DTNA: variants seen among roughly 807,000 people sequenced by gnomAD.
DTNA encodes the protein dystrobrevin alpha.
A neutral mutation model predicts 100.7 loss-of-function variants in DTNA; 43 were observed. The ratio of observed to expected loss-of-function variants is 0.43; its 90% CI spans 0.33 to 0.55. DTNA has a LOEUF of 0.55. Ranked by LOEUF, DTNA falls within the 20% of genes least tolerant of loss-of-function variation. The pLI, the probability that DTNA is intolerant of heterozygous loss-of-function variation, is 0.04. For synonymous variants in DTNA, 349 were observed against 347.9 expected, an observed-to-expected ratio of 1.00 and a Z score of -0.04; for missense variants, 798 against 953.9, an observed-to-expected ratio of 0.84 and a Z score of 2.15.
intron 1 of DTNA, among the ~76,000 whole-genome samples, chr18:34,623,357 G>A (rs192153300): frequency 1.3e-5 from 2 of 152,330 alleles, no homozygotes; most frequent in African/African-American, 4.8e-5. Flanking sequence ...CATTCATACT[G>A]TAGATTTTTG....
intron 13 of DTNA, among the ~76,000 whole-genome samples, chr18:34,843,414 G>A (rs2096310177): frequency 1.3e-5 from 2 of 151,974 alleles, no homozygotes. Context: ...TGCTAAGAAT[G>A]CCAAAGCAAA....
chr18:34,673,163 T>C (rs1267269548), intron 1 of DTNA, among the ~76,000 whole-genome samples: 1 of 152,190 alleles, frequency 6.6e-6, no homozygotes, highest in East Asian at 1.9e-4. Context: ...CTTGGCTCAC[T>C]GTAACCTCCG....
chr18:34,497,957 A>C (rs944439142), intron 1 of DTNA, among the ~76,000 whole-genome samples: 5 of 152,206 alleles, frequency 3.3e-5, no homozygotes, highest in Non-Finnish European at 7.3e-5. Context: ...TATCTTTAAC[A>C]GCTAAAGGTT....
At chr18:34,501,746 A>C (rs1384007382) in intron 1 of DTNA, among the ~76,000 whole-genome samples, 1 of 152,166 alleles carries the variant, frequency 6.6e-6, no homozygotes, top group Non-Finnish European at 1.5e-5. Context: ...TACAAGTCCA[A>C]GGTCATGGAG....
At chr18:34,686,161 A>T (rs1600187039) in intron 1 of DTNA, among the ~76,000 whole-genome samples, 2 of 152,214 alleles carry the variant, frequency 1.3e-5, no homozygotes, top group East Asian at 3.9e-4. Context: ...CCTGGCCAGG[A>T]CTTCCAATAC....
chr18:34,601,456 G>T (rs2051808419), intron 1 of DTNA, among the ~76,000 whole-genome samples: 1 of 152,088 alleles, frequency 6.6e-6, no homozygotes, highest in Admixed American at 6.5e-5. Flanking sequence ...CAGTGTCTGA[G>T]CCCAGCGTCT....
intron 1 of DTNA, among the ~76,000 whole-genome samples, chr18:34,623,016 A>G (rs537305691): frequency 6.6e-6 from 1 of 152,348 alleles, no homozygotes; most frequent in East Asian, 1.9e-4. Flanking sequence ...CAGATGGGTA[A>G]CATCAGACTC....
chr18:34,529,481 C>G (rs929841916), intron 1 of DTNA, among the ~76,000 whole-genome samples: 1 of 151,972 alleles, frequency 6.6e-6, no homozygotes, highest in Non-Finnish European at 1.5e-5. Context: ...AAAGATTTGC[C>G]TCAAGATTTC....
intron 1 of DTNA, among the ~76,000 whole-genome samples, chr18:34,730,032 A>C (rs1196671110): frequency 2.0e-5 from 3 of 152,130 alleles, no homozygotes; most frequent in Admixed American, 1.3e-4. Flanking sequence ...CCAAGGAATA[A>C]TTCCAAAAAT....
chr18:34,706,448 T>C (rs1252542419), upstream of DTNA, among the ~76,000 whole-genome samples: 1 of 152,148 alleles, frequency 6.6e-6, no homozygotes, highest in Non-Finnish European at 1.5e-5. Flanking sequence ...AACCAACGTA[T>C]TTTTCACTAA....
In DTNA at chr18:34,716,343, C is replaced by T. The variant is rs2084070741; in HGVS notation, c.-2+5898C>T. Among the ~76,000 whole-genome samples the T allele has an allele frequency of 3.9e-5, 6 of 152,130 alleles. 1 individual carries two copies. The South Asian group carries it at 1.2e-3, about 31-fold the overall frequency. The stretch of plus-strand genomic sequence containing the variant: ...TTGGGAGGCCGAGGCGGGTGGATCG[C>T]CTGAGATCAGGAGTTGGAGACCAGC... On this transcript the variant is annotated intron_variant, in intron 1 of 22. Transcript: ENST00000444659.
chr18:34,694,833 C>T (rs2080284032), intron 1 of DTNA, among the ~76,000 whole-genome samples: 1 of 152,158 alleles, frequency 6.6e-6, no homozygotes, highest in East Asian at 1.9e-4. Context: ...AGCACTAGTA[C>T]ATTATAGATA....
chr18:34,852,465 C>T (rs1407016582), intron 15 of DTNA, among the ~76,000 whole-genome samples: 4 of 152,190 alleles, frequency 2.6e-5, no homozygotes, highest in African/African-American at 9.7e-5. Flanking sequence ...CCACAGCATA[C>T]ACCCCAAAAA....
At chr18:34,871,466 T>C (rs920154356) in intron 17 of DTNA, among the ~76,000 whole-genome samples, 27 of 152,346 alleles carry the variant, frequency 1.8e-4, no homozygotes, top group African/African-American at 6.0e-4. Context: ...GATCTATATA[T>C]TGATCTGCAT....
intron 20 of DTNA, 145 bp downstream of exon 20, chr18:34,879,864 G>T (rs2096855038): frequency 4.7e-6 from 5 of 1,053,476 alleles, no homozygotes; most frequent in Middle Eastern, 2.6e-4. Flanking sequence ...GATATAGAAG[G>T]GTGCTACATT....
chr18:34,774,240 C>G (rs1374345407), intron 3 of DTNA, among the ~76,000 whole-genome samples: 2 of 152,224 alleles, frequency 1.3e-5, no homozygotes, highest in East Asian at 3.8e-4. Flanking sequence ...GGTGGCCTGC[C>G]AAGCCCTGTT....
rs536920784 is a variant in DTNA, at chr18:34,820,851, C to T, written c.937C>T (p.Arg313Cys). Residue 313 changes from arginine (R) to cysteine (C), a missense_variant, in exon 9 of 23, where the codon CGT becomes TGT. Arg to Cys is a radical substitution (Grantham distance 180, BLOSUM62 -3). Transcript: ENST00000444659. ...LSKSLSCASS[R>C]EPLHPMFPDQ... Reference sequence around the variant, plus strand: ...CAAGTCCCTGAGCTGTGCTTCCAGCCGTGAACCTTTGCACCCCATGTTCCC... The same window carrying T: ...CAAGTCCCTGAGCTGTGCTTCCAGCTGTGAACCTTTGCACCCCATGTTCCC... The T allele has an allele frequency of 3.6e-5, 58 of 1,613,990 alleles. No individual in the cohort carries two copies. The highest frequency in any genetic ancestry group is 4.6e-5 in the Non-Finnish European group (54 of 1,180,010).
rs548814127 is a variant in DTNA, at chr18:34,828,975, G to T, written c.1086-425G>T. 4 of 1,573,324 alleles carry T rather than the reference G, an allele frequency of 2.5e-6. No individual in the cohort carries two copies. In the South Asian group the frequency reaches 4.4e-5, roughly 17 times the overall value. ...ATATGTACTTTTATTAGGAAGCTCT[G>T]CATTCTGCAAATATCAAGCAGAGGT... On this transcript the variant is annotated intron_variant, in intron 10 of 22. Coordinates refer to ENST00000444659, the MANE Select transcript of DTNA (RefSeq NM_001386795.1).
intron 1 of DTNA, among the ~76,000 whole-genome samples, chr18:34,691,273 C>T (rs907138030): frequency 5.3e-5 from 8 of 152,184 alleles, no homozygotes; most frequent in Non-Finnish European, 7.3e-5. Flanking sequence ...AACTTTCTAA[C>T]TTATGTTCAG....
Sources: allele counts gnomAD v4.1 joint callset (sites outside exome capture counted in the v4.1 genomes callset), GRCh38; gene constraint gnomAD v4.1.1; transcripts MANE v1.5; gene names NCBI Gene and HGNC (gene_info 2026-07-23, HGNC 2026-07-21).